ANKEF1: variants seen among roughly 807,000 people sequenced by gnomAD.
ANKEF1 encodes ankyrin repeat and EF-hand domain containing 1.
In ANKEF1, 43 loss-of-function variants were observed where a neutral mutation model predicts 65.1. That is an observed-to-expected ratio of 0.66 (90% CI 0.52 to 0.85). The LOEUF is 0.85. Among genes scored for constraint, ANKEF1 ranks in the 40% least tolerant of loss-of-function variants. The pLI, the probability that ANKEF1 is intolerant of heterozygous loss-of-function variation, is 0.00. For missense variants in ANKEF1, 934 were observed against 952.9 expected, an observed-to-expected ratio of 0.98 and a Z score of 0.26; for synonymous variants, 316 against 341.5, an observed-to-expected ratio of 0.93 and a Z score of 0.82.
At position 10,049,614 on chromosome 20, in the gene ANKEF1, A is replaced by G. The variant is rs199847599; in HGVS notation, c.1045A>G (p.Arg349Gly). 1.4e-4 allele frequency: 218 copies of G among 1,614,034 alleles called. No homozygotes were observed. The highest frequency in any genetic ancestry group is 1.7e-4 in the Non-Finnish European group (195 of 1,180,014). ...FLREAFAVLD[R>G]GDGSISKNDF... ...CCGGGAAGCCTTTGCGGTTTTAGAC[A>G]GGGGTGATGGAAGCATCAGCAAGAA... The change falls in exon 7 of 11, where the codon AGG (arginine) becomes GGG (glycine). Residue 349 changes from arginine to glycine, a missense_variant. Physicochemically the swap from Arg to Gly is moderately radical, Grantham distance 125. Transcript: ENST00000378392.
chr20:10,046,103 T>C (rs1337287204), intron 6 of ANKEF1, among the ~76,000 whole-genome samples: 1 of 151,920 alleles, frequency 6.6e-6, no homozygotes, highest in East Asian at 1.9e-4. Flanking sequence ...AAACCGCGCC[T>C]CTACTAACAA....
At chr20:10,036,014 T>C (rs965620848) in intron 2 of ANKEF1, among the ~76,000 whole-genome samples, 2 of 152,236 alleles carry the variant, frequency 1.3e-5, no homozygotes, top group African/African-American at 4.8e-5. Context: ...TCCTATATGC[T>C]GCTCAATTTA....
At chr20:10,040,991 C>G (rs1182293385) in intron 3 of ANKEF1, among the ~76,000 whole-genome samples, 1 of 151,322 alleles carries the variant, frequency 6.6e-6, no homozygotes, top group Non-Finnish European at 1.5e-5. Context: ...AGTAACCCTA[C>G]TTTAGGTACA....
intron 6 of ANKEF1, among the ~76,000 whole-genome samples, chr20:10,046,373 T>C (rs1269011496): frequency 1.3e-5 from 2 of 152,336 alleles, no homozygotes; most frequent in South Asian, 2.1e-4. Context: ...TTTTAAAAAA[T>C]GTTCCATTGT....
In ANKEF1 at chr20:10,051,873, G is replaced by C. The variant is rs1984879619; in HGVS notation, c.1854G>C (p.Gln618His). ...KYLLDIGAKF[Q>H]LENRKGHSAM... Reference sequence around the variant, plus strand: ...TACTTGATATTGGTGCTAAATTCCAGCTGGAAAATAGAAAAGGTATGCGTT... The same window carrying C: ...TACTTGATATTGGTGCTAAATTCCACCTGGAAAATAGAAAAGGTATGCGTT... Residue 618 changes from glutamine (Q) to histidine (H), a missense_variant, in exon 8 of 11, where the codon CAG becomes CAC. Gln to His is a conservative substitution (Grantham distance 24). Coordinates refer to ENST00000378392, the MANE Select transcript of ANKEF1 (RefSeq NM_022096.6). The C allele has an allele frequency of 1.2e-6, 2 of 1,610,188 alleles. No individual in the cohort carries two copies. Among genetic ancestry groups the C allele is most frequent in the South Asian group, 1.1e-5 (1 of 90,768 alleles).
chr20:10,056,792 T>G lies in ANKEF1; in HGVS notation c.*1132T>G, dbSNP rs1985200894. 6.6e-6 allele frequency: 1 copy of G among 152,188 alleles called. No homozygotes were observed. Among genetic ancestry groups the G allele is most frequent in the Non-Finnish European group, 1.5e-5 (1 of 68,034 alleles). 9.4% of individuals were successfully genotyped at this position (152,188 alleles called of 1,614,324 possible). A position where few individuals can be genotyped will look rare whatever the true frequency, so the allele number is the denominator to read the frequency against. On this transcript the variant is annotated 3_prime_UTR_variant, in exon 11 of 11. Transcript: ENST00000378392. ...ACGATTGTGAAAATTTCAACTGTTG[T>G]TAAAGCGACTGATGGGATCAGTTTC...
Position 10,056,285 on chromosome 20 carries a change from TAGCCCTAGCCCTAGATA to T in ANKEF1, c.*626_*642del, listed in dbSNP as rs1985144477. 1.8e-5 allele frequency: 1 copy of T among 54,996 alleles called. No individual in the cohort carries two copies. The highest frequency in any genetic ancestry group is 4.9e-5 in the Non-Finnish European group (1 of 20,510). The allele number at this position is 54,996 out of a possible 1,614,324, so 3.4% of individuals were successfully genotyped here. On this transcript the variant is annotated 3_prime_UTR_variant, in exon 11 of 11. Coordinates refer to ENST00000378392, the MANE Select transcript of ANKEF1 (RefSeq NM_022096.6). ...TACACTTTTAACAGCCCTAGATCGATAGCCCTAGCCCTAGATAGATAGCCCTAGCCCTAGATAGATAG... is the reference window on the plus strand; with the variant it reads ...TACACTTTTAACAGCCCTAGATCGATGATAGCCCTAGCCCTAGATAGATAG...
Position 10,045,705 on chromosome 20 carries a change from T to A in ANKEF1, c.820+8T>A. On this transcript the variant is annotated splice_region_variant and intron_variant, in intron 6 of 10. Transcript: ENST00000378392. ...AATATATAGCTCAGCGAGGTAAAAT[T>A]GTCTAGCAATTTTGTGCTTCAAGTA... The A allele has an allele frequency of 6.2e-7, 1 of 1,613,322 alleles. No individual in the cohort carries two copies. The highest frequency in any genetic ancestry group is 8.5e-7 in the Non-Finnish European group (1 of 1,179,500).
At chr20:10,038,174 A>T in intron 2 of ANKEF1, 84 bp from the exon 3 acceptor site, 1 of 553,714 alleles carries the variant, frequency 1.8e-6, no homozygotes, top group Non-Finnish European at 3.1e-6. Context: ...CTCTGTTCTT[A>T]AGGAAGTTCC....
intron 6 of ANKEF1, among the ~76,000 whole-genome samples, chr20:10,045,905 T>A (rs2122243649): frequency 6.6e-6 from 1 of 152,266 alleles, no homozygotes; most frequent in Non-Finnish European, 1.5e-5. Context: ...GAAAACCCAT[T>A]TGTCCAAAAA....
At chr20:10,045,530 T>C in intron 5 of ANKEF1, 44 bp from the exon 6 acceptor site, 2 of 1,596,812 alleles carry the variant, frequency 1.3e-6, no homozygotes, top group South Asian at 1.1e-5. Flanking sequence ...ATATAGTAAA[T>C]GTACATTCCT....
chr20:10,053,228 A>G lies in ANKEF1; in HGVS notation c.1987A>G (p.Thr663Ala). ...AGAAAATCAAAAACTAAAAGGCAAG[A>G]CACCTCCTATACTGAAGACTGAAGG... ...PAENQKLKGK[T>A]PPILKTEGPE... Residue 663 changes from threonine (T) to alanine (A), a missense_variant, in exon 9 of 11, where the codon ACA (threonine) becomes GCA (alanine). Coordinates refer to ENST00000378392, the MANE Select transcript of ANKEF1 (RefSeq NM_022096.6). 1 of 1,613,588 alleles carries G rather than the reference A, an allele frequency of 6.2e-7. No homozygotes were observed. The highest frequency in any genetic ancestry group is 1.1e-5 in the South Asian group (1 of 91,010).
At position 10,055,782 on chromosome 20, in the gene ANKEF1, C is replaced by A; in HGVS notation, c.*122C>A. The A allele has an allele frequency of 3.1e-6, 3 of 979,196 alleles. No homozygotes were observed. Among genetic ancestry groups the A allele is most frequent in the South Asian group, 1.6e-5 (1 of 60,612 alleles). 60.7% of individuals were successfully genotyped at this position (979,196 alleles called of 1,614,324 possible). A position where few individuals can be genotyped will look rare whatever the true frequency, so the allele number is the denominator to read the frequency against. On this transcript the variant is annotated 3_prime_UTR_variant, in exon 11 of 11. Coordinates refer to ENST00000378392, the MANE Select transcript of ANKEF1 (RefSeq NM_022096.6). Reference sequence around the variant, plus strand: ...ACCAAGAACTTGTTACCAAGAATTTCTTTTTGCTTTAACAACTATAAATAT... The same window carrying A: ...ACCAAGAACTTGTTACCAAGAATTTATTTTTGCTTTAACAACTATAAATAT...
chr20:10,043,196 G>A lies in ANKEF1; in HGVS notation c.421G>A (p.Asp141Asn). The A allele has an allele frequency of 6.2e-7, 1 of 1,614,160 alleles. No individual in the cohort carries two copies. Among genetic ancestry groups the A allele is most frequent in the Non-Finnish European group, 8.5e-7 (1 of 1,180,034 alleles). Residue 141 changes from aspartate (D) to asparagine (N), a missense_variant, in exon 4 of 11, where the codon GAT (aspartate) becomes AAT (asparagine). Physicochemically the swap from Asp to Asn is conservative, Grantham distance 23. Coordinates refer to ENST00000378392, the MANE Select transcript of ANKEF1 (RefSeq NM_022096.6). The stretch of plus-strand genomic sequence containing the variant: ...TCTGATCGCCCTTGAACATGGTGCA[G>A]ATGTCAACAATTCTACCTATGAAGG... Reference protein sequence around the residue: ...CALIALEHGADVNNSTYEGKP... With the variant: ...CALIALEHGANVNNSTYEGKP...
In ANKEF1 at chr20:10,035,129, G is replaced by C. The variant is rs1983759352; in HGVS notation, c.-313G>C. 1 of 152,686 alleles carries C rather than the reference G, an allele frequency of 6.5e-6. No homozygotes were observed. Among genetic ancestry groups the C allele is most frequent in the Admixed American group, 6.5e-5 (1 of 15,302 alleles). 9.5% of individuals were successfully genotyped at this position (152,686 alleles called of 1,614,324 possible). ...ATGGACACATACACCCAGCCCTGCT[G>C]TCCCGCGCGCCAGCTCACCAGCCCT... On this transcript the variant is annotated 5_prime_UTR_variant, in exon 1 of 11. Transcript: ENST00000378392.
chr20:10,051,157 A>T (rs1984837088), intron 7 of ANKEF1, among the ~76,000 whole-genome samples: 1 of 152,158 alleles, frequency 6.6e-6, no homozygotes, highest in Non-Finnish European at 1.5e-5. Context: ...GTAGTTACAT[A>T]CTTGAGAAAT....
intron 7 of ANKEF1, among the ~76,000 whole-genome samples, chr20:10,050,622 G>T (rs189347693): frequency 6.6e-6 from 1 of 152,286 alleles, no homozygotes; most frequent in Non-Finnish European, 1.5e-5. Flanking sequence ...GCATAGGATT[G>T]TGTGTGCACA....
At chr20:10,044,240 TC>T (rs1331551141) in intron 4 of ANKEF1, among the ~76,000 whole-genome samples, 153 bp from the exon 5 acceptor site, 1 of 152,210 alleles carries the variant, frequency 6.6e-6, no homozygotes, top group Non-Finnish European at 1.5e-5. Context: ...GCTTAATTTT[TC>T]CTCTTTGTTA....
chr20:10,054,668 A>G, intron 10 of ANKEF1, 69 bp downstream of exon 10: 2 of 1,461,052 alleles, frequency 1.4e-6, no homozygotes, highest in Non-Finnish European at 9.3e-7. Flanking sequence ...AAAGCTTTTT[A>G]TGTAGAATAT....
Sources: gnomAD v4.1 joint callset for allele counts (sites outside exome capture counted in the v4.1 genomes callset) on GRCh38, gnomAD v4.1.1 for gene constraint, MANE v1.5 for transcripts, NCBI Gene and HGNC (gene_info 2026-07-23, HGNC 2026-07-21) for gene names.